Variants in MAML2 observed in about 807,000 individuals in gnomAD.
The protein encoded by MAML2 is mastermind like transcriptional coactivator 2.
A neutral mutation model predicts 96.1 loss-of-function variants in MAML2; 22 were observed. The ratio of observed to expected loss-of-function variants is 0.23; its 90% CI spans 0.16 to 0.33. The LOEUF is 0.33. Ranked by LOEUF, MAML2 falls within the 10% of genes least tolerant of loss-of-function variation. The pLI is 1.00. For missense variants in MAML2, 1,367 were observed against 1,392.4 expected (o/e 0.98, Z 0.29); for synonymous variants, 561 against 521.3 (o/e 1.08, Z -1.04).
intron 1 of MAML2, among the ~76,000 whole-genome samples, chr11:96,231,868 C>A (rs958347362): frequency 3.3e-5 from 5 of 152,150 alleles, no homozygotes; most frequent in Non-Finnish European, 5.9e-5. Context: ...AATCCTTAAA[C>A]CTGTGATTCA....
At chr11:96,298,762 G>T (rs1316626165) in intron 1 of MAML2, among the ~76,000 whole-genome samples, 2 of 146,108 alleles carry the variant, frequency 1.4e-5, no homozygotes, top group Admixed American at 6.9e-5. Flanking sequence ...AAATTTCTAG[G>T]CCGGGCGCAG....
At position 96,328,548 on chromosome 11, in the gene MAML2, C is replaced by A. The variant is rs116007435; in HGVS notation, c.513+12835G>T. Among the ~76,000 whole-genome samples the A allele has an allele frequency of 4.1e-3, 621 of 152,096 alleles. 7 individuals are homozygous for A. Among genetic ancestry groups the A allele is most frequent in the African/African-American group, 0.015 (609 of 41,490 alleles). On this transcript the variant is annotated intron_variant, in intron 1 of 4. Coordinates refer to ENST00000524717, the MANE Select transcript of MAML2 (RefSeq NM_032427.4). ...TGTGATCCACAGACACCCCACGCCA[C>A]CCCCCAAGATCGTACGAGTCATAAA...
intron 2 of MAML2, among the ~76,000 whole-genome samples, chr11:96,069,185 C>A (rs761036180): frequency 5.3e-5 from 8 of 152,038 alleles, no homozygotes; most frequent in Non-Finnish European, 1.0e-4. Flanking sequence ...ACCATGGTCT[C>A]CCAAAGTGTT....
intron 2 of MAML2, among the ~76,000 whole-genome samples, chr11:96,040,612 C>A (rs1311490151): frequency 9.2e-5 from 14 of 152,054 alleles, no homozygotes; most frequent in Non-Finnish European, 1.8e-4. Context: ...ACTAAAAATA[C>A]AAAAATTAGC....
At chr11:96,280,556 T>G (rs1863051042) in intron 1 of MAML2, among the ~76,000 whole-genome samples, 1 of 152,220 alleles carries the variant, frequency 6.6e-6, no homozygotes, top group African/African-American at 2.4e-5. Flanking sequence ...CATGAAAATT[T>G]GTAGTTGAAA....
chr11:96,266,369 G>A (rs950232346), intron 1 of MAML2, among the ~76,000 whole-genome samples: 7 of 152,106 alleles, frequency 4.6e-5, no homozygotes, highest in Non-Finnish European at 2.9e-5. Context: ...AGGAGATTGA[G>A]ACCATCCTGG....
intron 2 of MAML2, among the ~76,000 whole-genome samples, chr11:96,045,922 C>G (rs542925832): frequency 1.0e-4 from 15 of 149,576 alleles, no homozygotes; most frequent in African/African-American, 3.5e-4. Context: ...TTTTTTTCCC[C>G]CATTCCTGTT....
intron 1 of MAML2, among the ~76,000 whole-genome samples, chr11:96,171,666 A>G (rs1555019151): frequency 6.6e-6 from 1 of 152,268 alleles, no homozygotes; most frequent in Non-Finnish European, 1.5e-5. Flanking sequence ...AGAATAAACA[A>G]CACGCCAAAG....
At chr11:96,213,693 C>T (rs1030952351) in intron 1 of MAML2, among the ~76,000 whole-genome samples, 5 of 152,068 alleles carry the variant, frequency 3.3e-5, no homozygotes, top group African/African-American at 1.2e-4. Context: ...TGTCTGGACT[C>T]CAAAAGATAC....
chr11:95,980,599 T>C (rs1481822687), intron 4 of MAML2, among the ~76,000 whole-genome samples: 1 of 152,208 alleles, frequency 6.6e-6, no homozygotes, highest in African/African-American at 2.4e-5. Context: ...TATCAAATTG[T>C]TACTCAATGC....
At chr11:95,990,637 A>T (rs1282010207) in intron 3 of MAML2, among the ~76,000 whole-genome samples, 3 of 152,142 alleles carry the variant, frequency 2.0e-5, no homozygotes, top group Non-Finnish European at 2.9e-5. Flanking sequence ...TGCCTTGTTT[A>T]TGGCTCTCCC....
intron 2 of MAML2, among the ~76,000 whole-genome samples, chr11:95,996,681 C>T (rs1857994769): frequency 6.6e-6 from 1 of 151,944 alleles, no homozygotes; most frequent in Non-Finnish European, 1.5e-5. Context: ...TTTTTTTGCC[C>T]TTATGTTTGC....
chr11:96,211,860 G>A (rs186782845), intron 1 of MAML2, among the ~76,000 whole-genome samples: 9 of 152,264 alleles, frequency 5.9e-5, no homozygotes, highest in Admixed American at 5.2e-4. Context: ...AAAGTTATCT[G>A]TGGCAGAATA....
At chr11:96,195,168 C>A (rs948492320) in intron 1 of MAML2, among the ~76,000 whole-genome samples, 1 of 152,110 alleles carries the variant, frequency 6.6e-6, no homozygotes, top group Non-Finnish European at 1.5e-5. Context: ...ACAAGTCATC[C>A]TACTGAATAT....
chr11:96,256,167 C>A (rs1010597700), intron 1 of MAML2, among the ~76,000 whole-genome samples: 1 of 152,080 alleles, frequency 6.6e-6, no homozygotes, highest in African/African-American at 2.4e-5. Flanking sequence ...ACCCACCGCA[C>A]CTGGCCAATT....
chr11:96,185,332 G>T (rs760118588), intron 1 of MAML2, among the ~76,000 whole-genome samples: 1 of 152,206 alleles, frequency 6.6e-6, no homozygotes, highest in Non-Finnish European at 1.5e-5. Flanking sequence ...CAGTTGCACA[G>T]CTGTGGGCTG....
intron 2 of MAML2, among the ~76,000 whole-genome samples, chr11:96,021,822 T>C (rs982569332): frequency 1.3e-5 from 2 of 152,222 alleles, no homozygotes; most frequent in African/African-American, 4.8e-5. Context: ...TAACAGAGGT[T>C]GTGAGGGTAA....
At chr11:96,095,018 A>G (rs1400568218) in intron 1 of MAML2, among the ~76,000 whole-genome samples, 8 of 152,240 alleles carry the variant, frequency 5.3e-5, no homozygotes, top group African/African-American at 1.9e-4. Flanking sequence ...TTAGAAAGGT[A>G]TTATTACCCT....
At chr11:96,065,354 G>T (rs1859228275) in intron 2 of MAML2, among the ~76,000 whole-genome samples, 1 of 152,062 alleles carries the variant, frequency 6.6e-6, no homozygotes, top group South Asian at 2.1e-4. Context: ...TATCTCCTGT[G>T]TCAGTCCTGG....
Sources: gnomAD v4.1 joint callset for allele counts (sites outside exome capture counted in the v4.1 genomes callset) on GRCh38, gnomAD v4.1.1 for gene constraint, MANE v1.5 for transcripts, NCBI Gene and HGNC (gene_info 2026-07-23, HGNC 2026-07-21) for gene names.